Variants in STAT3 observed in about 807,000 individuals in gnomAD.
The protein encoded by STAT3 is signal transducer and activator of transcription 3.
STAT3 carries 7 observed loss-of-function variants against 114.3 expected under a neutral mutation model. The ratio of observed to expected loss-of-function variants is 0.06; its 90% CI spans 0.03 to 0.11. STAT3 has a LOEUF of 0.11. Ranked by LOEUF, STAT3 falls within the 10% of genes least tolerant of loss-of-function variation. The pLI is 1.00. For synonymous variants in STAT3, 331 were observed against 354.5 expected (o/e 0.93, Z 0.74); for missense variants, 364 against 960.9 (o/e 0.38, Z 8.21).
chr17:42,344,551 C>CT (rs1370841161), intron 4 of STAT3, among the ~76,000 whole-genome samples: 2 of 151,468 alleles, frequency 1.3e-5, no homozygotes, highest in African/African-American at 4.9e-5. Context: ...CCCATCTCTA[C>CT]TAAAAAAAAT....
chr17:42,352,865 T>C (rs1435813245), intron 1 of STAT3, among the ~76,000 whole-genome samples: 2 of 152,310 alleles, frequency 1.3e-5, no homozygotes, highest in African/African-American at 4.8e-5. Context: ...ATGTGGCTGC[T>C]TCAAACTGAA....
chr17:42,372,659 A>C (rs1171276537), intron 1 of STAT3, among the ~76,000 whole-genome samples: 20 of 152,170 alleles, frequency 1.3e-4, no homozygotes, highest in African/African-American at 2.4e-5. Flanking sequence ...AATCCATAGA[A>C]TGCTCAACAG....
At chr17:42,381,500 C>A (rs938733358) in intron 1 of STAT3, among the ~76,000 whole-genome samples, 5 of 151,810 alleles carry the variant, frequency 3.3e-5, no homozygotes, top group East Asian at 1.9e-4. Flanking sequence ...CCGAGGCAGG[C>A]GGATCACAAT....
intron 1 of STAT3, among the ~76,000 whole-genome samples, chr17:42,357,065 GGT>G (rs1322720003): frequency 6.6e-6 from 1 of 152,154 alleles, no homozygotes; most frequent in Admixed American, 6.5e-5. Flanking sequence ...TGGGATTACA[GGT>G]GTGAGCCACT....
rs1284111065 is a variant in STAT3, at chr17:42,337,541, C to T, written c.691G>A (p.Val231Met). ...LAGLLSAMEY[V>M]QKTLTDEELA... ...TCCTCGTCCGTGAGAGTTTTCTGCA[C>T]GTACTCCATCGCTGACAAAAGCCCC... The change falls in exon 8 of 24, where the codon GTG (valine) becomes ATG (methionine). Residue 231 changes from valine (V) to methionine (M), a missense_variant. Physicochemically the swap from Val to Met is conservative, Grantham distance 21 (BLOSUM62 1). Transcript: ENST00000264657. The surrounding 1 kb of genome is among the most constrained non-coding windows in gnomAD (Gnocchi z 4.0). 4.3e-6 allele frequency: 7 copies of T among 1,614,106 alleles called. No individual in the cohort carries two copies. The highest frequency in any genetic ancestry group is 1.7e-5 in the Admixed American group (1 of 60,004).
chr17:42,363,167 T>G (rs2083602921), intron 1 of STAT3, among the ~76,000 whole-genome samples: 1 of 152,170 alleles, frequency 6.6e-6, no homozygotes, highest in Admixed American at 6.6e-5. Context: ...TGTAGCCAGG[T>G]TCTCCCAAGT....
intron 3 of STAT3, among the ~76,000 whole-genome samples, chr17:42,346,123 C>T (rs1396518719): frequency 6.6e-6 from 1 of 152,136 alleles, no homozygotes; most frequent in Non-Finnish European, 1.5e-5. Flanking sequence ...AAGCAATCCT[C>T]CCACCTCAAC....
chr17:42,344,019 A>G (rs17879738), intron 4 of STAT3, among the ~76,000 whole-genome samples: 3,704 of 152,262 alleles, frequency 0.024, 149 homozygotes, highest in African/African-American at 0.085. Flanking sequence ...AAAAGTATCA[A>G]TGGTAAAAGA....
rs746480540 is a variant in STAT3 at position 42,322,972 on chromosome 17, C to T, written c.1888+32G>A. On this transcript the variant is annotated intron_variant, in intron 20 of 23. Transcript: ENST00000264657. The stretch of plus-strand genomic sequence containing the variant: ...GCAGTGATGAGGCCTCAGCAGCCAC[C>T]AGCAGGTGGGGTGGGTGGGAGCCTC... 7.4e-6 allele frequency: 12 copies of T among 1,612,594 alleles called. No homozygotes were observed. The Admixed American group carries it at 1.0e-4, about 13-fold the overall frequency.
Position 42,328,796 on chromosome 17 carries a change from C to T in STAT3, c.1281+614G>A, listed in dbSNP as rs17881859. On this transcript the variant is annotated intron_variant, in intron 14 of 23. Coordinates refer to ENST00000264657, the MANE Select transcript of STAT3 (RefSeq NM_139276.3). The stretch of plus-strand genomic sequence containing the variant: ...TTTTTAAAAATGACTGAAAACTAGC[C>T]TTCCGTCACATTTACCTTTTTTTGT... Among the ~76,000 whole-genome samples, 427 of 152,280 alleles carry T rather than the reference C, an allele frequency of 2.8e-3. 1 individual carries two copies. Among genetic ancestry groups the T allele is most frequent in the African/African-American group, 9.5e-3 (396 of 41,544 alleles).
intron 1 of STAT3, among the ~76,000 whole-genome samples, chr17:42,359,137 G>A (rs1415403791): frequency 6.6e-6 from 1 of 151,810 alleles, no homozygotes; most frequent in African/African-American, 2.4e-5. Flanking sequence ...GGGTTTCATC[G>A]TGTTAGCCAG....
At chr17:42,369,183 C>T (rs1428593913) in intron 1 of STAT3, among the ~76,000 whole-genome samples, 1 of 152,080 alleles carries the variant, frequency 6.6e-6, no homozygotes, top group Non-Finnish European at 1.5e-5. Flanking sequence ...CACGGTGAAA[C>T]CCCATCTCTA....
intron 1 of STAT3, among the ~76,000 whole-genome samples, chr17:42,370,954 A>C (rs2084090073): frequency 1.3e-5 from 2 of 152,158 alleles, no homozygotes; most frequent in Non-Finnish European, 2.9e-5. Context: ...TGTTTTGTAC[A>C]AAAGAGTTTT....
chr17:42,317,325 A>C, intron 21 of STAT3, 101 bp from the exon 22 acceptor site: 1 of 1,333,026 alleles, frequency 7.5e-7, no homozygotes, highest in Non-Finnish European at 1.1e-6. Flanking sequence ...TTTGAAACTC[A>C]CTCATCCTCA....
chr17:42,349,527 C>A (rs2082846327), intron 1 of STAT3, among the ~76,000 whole-genome samples: 1 of 152,156 alleles, frequency 6.6e-6, no homozygotes, highest in Admixed American at 6.5e-5. Flanking sequence ...AATGAGGATC[C>A]AGGAAGATCT....
chr17:42,353,361 AG>A (rs907668654), intron 1 of STAT3, among the ~76,000 whole-genome samples: 31 of 129,350 alleles, frequency 2.4e-4, no homozygotes, highest in South Asian at 9.9e-4. Flanking sequence ...AAAAAAAAAA[AG>A]AAAGAAAGAA....
intron 1 of STAT3, among the ~76,000 whole-genome samples, chr17:42,366,756 T>G (rs930891964): frequency 6.6e-6 from 1 of 150,400 alleles, no homozygotes; most frequent in Non-Finnish European, 1.5e-5. Flanking sequence ...CACCAGCATC[T>G]CTTACCTAGA....
chr17:42,363,009 C>T (rs749354037), intron 1 of STAT3, among the ~76,000 whole-genome samples: 1 of 152,154 alleles, frequency 6.6e-6, no homozygotes, highest in Non-Finnish European at 1.5e-5. Context: ...GACTGAAAGC[C>T]CCATGAAGAC....
Position 42,348,540 on chromosome 17 carries a change from C to G in STAT3, c.-23-1G>C. ...ATCCTGCTAAAATCAGGGGTCCCAA[C>G]TGTAAACCAAAGTGTGCATATGTTC... On this transcript the variant is annotated splice_acceptor_variant, in intron 1 of 23. Transcript: ENST00000264657. LOFTEE classifies it low-confidence loss of function (5UTR_SPLICE). 6.2e-7 allele frequency: 1 copy of G among 1,612,864 alleles called. No individual in the cohort carries two copies. Among genetic ancestry groups the G allele is most frequent in the Non-Finnish European group, 8.5e-7 (1 of 1,179,942 alleles).
Sources: gnomAD v4.1 joint callset for allele counts (sites outside exome capture counted in the v4.1 genomes callset) on GRCh38, gnomAD v4.1.1 for gene constraint, Gnocchi (gnomAD v3.1) non-coding constraint, MANE v1.5 for transcripts, NCBI Gene and HGNC (gene_info 2026-07-23, HGNC 2026-07-21) for gene names.